The following TRPC4AP variants were observed in gnomAD, a reference collection of about 807,000 sequenced individuals.
TRPC4AP encodes transient receptor potential cation channel subfamily C member 4 associated protein.
Under a neutral mutation model 99.0 loss-of-function variants are expected in TRPC4AP, and 45 were observed. That is an observed-to-expected ratio of 0.45 (90% confidence interval 0.36 to 0.58). The LOEUF is 0.58. TRPC4AP is among the 20% of genes least tolerant of loss of function. TRPC4AP has a pLI of 0.00. For missense variants in TRPC4AP, 879 were observed against 985.3 expected (o/e 0.89, Z 1.44); for synonymous variants, 408 against 385.8 (o/e 1.06, Z -0.67).
At chr20:35,026,690 T>G (rs1337428884) in intron 8 of TRPC4AP, among the ~76,000 whole-genome samples, 1 of 152,192 alleles carries the variant, frequency 6.6e-6, no homozygotes, top group East Asian at 1.9e-4. Flanking sequence ...CAATATTAAT[T>G]TTCTGATTCA....
chr20:35,084,150 A>G (rs574851986), intron 1 of TRPC4AP, among the ~76,000 whole-genome samples: 1 of 151,842 alleles, frequency 6.6e-6, no homozygotes, highest in East Asian at 1.9e-4. Flanking sequence ...AAATACAAAA[A>G]AATTAGCCAG....
chr20:35,052,781 C>A (rs1444189152), intron 5 of TRPC4AP, among the ~76,000 whole-genome samples: 3 of 152,156 alleles, frequency 2.0e-5, no homozygotes, highest in African/African-American at 7.2e-5. Context: ...TGATAGCCAC[C>A]GTGCCCGGCC....
chr20:35,021,157 C>A, intron 9 of TRPC4AP, 33 bp downstream of exon 9: 1 of 1,598,408 alleles, frequency 6.3e-7, no homozygotes, highest in Non-Finnish European at 8.5e-7. Flanking sequence ...AGCACCTGCT[C>A]CCCGTGTCCT....
chr20:35,008,501 G>T (rs547540003), intron 13 of TRPC4AP, among the ~76,000 whole-genome samples, 163 bp downstream of exon 13: 6 of 152,146 alleles, frequency 3.9e-5, no homozygotes, highest in African/African-American at 1.4e-4. Context: ...CATACCTGTC[G>T]AGTCAAAACT....
At chr20:35,030,222 C>G (rs971681073) in intron 8 of TRPC4AP, 5 of 107,678 alleles carry the variant, frequency 4.6e-5, no homozygotes, top group Admixed American at 1.3e-4. Flanking sequence ...GCCTGAGTAA[C>G]AAGAGCGAAA....
Position 35,035,105 on chromosome 20 carries a change from G to T in TRPC4AP, c.1051+18C>A, listed in dbSNP as rs374924202. On this transcript the variant is annotated intron_variant, in intron 8 of 18. Transcript: ENST00000252015. Reference sequence around the variant, plus strand: ...AAGGAAAAGCTCCCGATCACTCAGGGGACCCATCCTTCCATACCTTGATTG... The same window carrying T: ...AAGGAAAAGCTCCCGATCACTCAGGTGACCCATCCTTCCATACCTTGATTG... 11 of 1,607,406 alleles carry T rather than the reference G, an allele frequency of 6.8e-6. No individual in the cohort carries two copies. The highest frequency in any genetic ancestry group is 1.7e-4 in the Middle Eastern group (1 of 6,048).
chr20:35,052,549 G>A (rs1289516260), intron 5 of TRPC4AP, among the ~76,000 whole-genome samples: 1 of 152,080 alleles, frequency 6.6e-6, no homozygotes, highest in Non-Finnish European at 1.5e-5. Flanking sequence ...ACGCTGGAGT[G>A]CAGTGGTGCA....
chr20:35,011,869 CCT>C (rs1238196382), intron 11 of TRPC4AP, among the ~76,000 whole-genome samples: 10 of 152,322 alleles, frequency 6.6e-5, no homozygotes, highest in African/African-American at 2.2e-4. Flanking sequence ...AGTCCTGGAC[CCT>C]GTCAAATGTC....
chr20:35,010,750 G>A lies in TRPC4AP; in HGVS notation c.1410-462C>T, dbSNP rs189582884. On this transcript the variant is annotated intron_variant, in intron 11 of 18. Coordinates refer to ENST00000252015, the MANE Select transcript of TRPC4AP (RefSeq NM_015638.3). ...CAGGCCTGTCACTGCTGGGTCCTGT[G>A]TTCCCAGGACACCAGCTCCCTTTAC... is the stretch of plus-strand genomic sequence containing the variant. Among the ~76,000 whole-genome samples the A allele has an allele frequency of 7.2e-5, 11 of 152,236 alleles. No individual in the cohort carries two copies. The East Asian group carries it at 2.1e-3, about 29-fold the overall frequency.
At chr20:35,077,997 T>C (rs1190642591) in intron 2 of TRPC4AP, 49 bp downstream of exon 2, 1 of 1,515,152 alleles carries the variant, frequency 6.6e-7, no homozygotes, top group Non-Finnish European at 8.9e-7. Context: ...AGACATCTTG[T>C]GTCACCTAGA....
intron 3 of TRPC4AP, 64 bp from the exon 4 acceptor site, chr20:35,057,635 G>T (rs1290587050): frequency 2.1e-6 from 3 of 1,398,972 alleles, no homozygotes; most frequent in African/African-American, 2.9e-5. Context: ...AAATGATTTT[G>T]CCATAACCAT....
At chr20:35,020,658 T>C (rs1039875971) in intron 9 of TRPC4AP, among the ~76,000 whole-genome samples, 1 of 152,154 alleles carries the variant, frequency 6.6e-6, no homozygotes, top group African/African-American at 2.4e-5. Flanking sequence ...AGGAAAAGGC[T>C]ACTTCTCAAT....
intron 9 of TRPC4AP, among the ~76,000 whole-genome samples, chr20:35,018,141 C>T (rs1335451183): frequency 6.6e-6 from 1 of 152,140 alleles, no homozygotes; most frequent in Admixed American, 6.5e-5. Context: ...CCTCACTGCA[C>T]AGACTAGAAA....
intron 9 of TRPC4AP, 26 bp downstream of exon 9, chr20:35,021,164 T>A: frequency 6.2e-7 from 1 of 1,602,724 alleles, no homozygotes; most frequent in Non-Finnish European, 8.5e-7. Flanking sequence ...GCTCCCCGTG[T>A]CCTGAGACGC....
intron 7 of TRPC4AP, among the ~76,000 whole-genome samples, chr20:35,039,143 T>C (rs1258504411): frequency 6.6e-6 from 1 of 152,136 alleles, no homozygotes; most frequent in Non-Finnish European, 1.5e-5. Context: ...AATCTTCACA[T>C]AGCTGGATTT....
chr20:35,085,054 G>T (rs922744728), intron 1 of TRPC4AP, among the ~76,000 whole-genome samples: 2 of 152,130 alleles, frequency 1.3e-5, no homozygotes, highest in African/African-American at 4.8e-5. Flanking sequence ...AAAGTGAAAA[G>T]AAACAGCTTT....
At chr20:35,007,461 G>T in intron 14 of TRPC4AP, 89 bp downstream of exon 14, 1 of 1,353,704 alleles carries the variant, frequency 7.4e-7, no homozygotes, top group Non-Finnish European at 1.0e-6. Flanking sequence ...CTCTGCTCCT[G>T]ATGAACTGTT....
intron 3 of TRPC4AP, among the ~76,000 whole-genome samples, chr20:35,068,812 G>A (rs1428669417): frequency 2.0e-5 from 3 of 150,714 alleles, no homozygotes; most frequent in Admixed American, 1.3e-4. Context: ...GAGCCACTGC[G>A]CCCGGCCTAA....
At chr20:35,010,053 C>T in intron 12 of TRPC4AP, 134 bp downstream of exon 12, 1 of 673,144 alleles carries the variant, frequency 1.5e-6, no homozygotes, top group Non-Finnish European at 2.6e-6. Flanking sequence ...GCCTGGCACA[C>T]AGGAGCCCTC....
Sources: allele counts gnomAD v4.1 joint callset (sites outside exome capture counted in the v4.1 genomes callset), GRCh38; gene constraint gnomAD v4.1.1; transcripts MANE v1.5; gene names NCBI Gene and HGNC (gene_info 2026-07-23, HGNC 2026-07-21).